The following CTDP1 variants were observed in gnomAD, a reference collection of about 807,000 sequenced individuals.
CTDP1 encodes RNA polymerase II subunit A C-terminal domain phosphatase.
In CTDP1, 47 loss-of-function variants were observed where a neutral mutation model predicts 91.8. That is an observed-to-expected ratio of 0.51 (90% CI 0.41 to 0.65). CTDP1 has a LOEUF of 0.65. Among genes scored for constraint, CTDP1 ranks in the 30% least tolerant of loss-of-function variants. The probability of loss-of-function intolerance (pLI) is 0.00; values close to 1 mark genes in which losing one functional copy is unlikely to be tolerated. For missense variants in CTDP1, 1,272 were observed against 1,373.7 expected (o/e 0.93, Z 1.17); for synonymous variants, 656 against 598.5 (o/e 1.10, Z -1.40).
rs1326420729 is a variant in CTDP1 at position 79,729,010 on chromosome 18, T to C, written c.2521T>C (p.Ser841Pro). 1 of 1,614,096 alleles carries C rather than the reference T, an allele frequency of 6.2e-7. No individual in the cohort carries two copies. Among genetic ancestry groups the C allele is most frequent in the Admixed American group, 1.7e-5 (1 of 60,034 alleles). Residue 841 changes from serine (S) to proline (P), a missense_variant, in exon 11 of 13, where the codon TCT (serine) becomes CCT (proline). This residue lies in a region of CTDP1 where 881 missense variants were observed against 911.6 expected (regional missense o/e 0.97). Transcript: ENST00000613122. ...PSRRKRQPSM[S>P]ETMPLYTLCK... The stretch of plus-strand genomic sequence containing the variant: ...TAGAAGAAAGCGACAGCCCAGTATG[T>C]CTGAGACAATGCCGCTGTACACTCT...
At chr18:79,688,682 G>A (rs752034424) in intron 1 of CTDP1, among the ~76,000 whole-genome samples, 2 of 151,924 alleles carry the variant, frequency 1.3e-5, no homozygotes, top group African/African-American at 2.4e-5. Context: ...TTACAGGCGT[G>A]AGCCATCACT....
intron 12 of CTDP1, among the ~76,000 whole-genome samples, chr18:79,743,578 A>C (rs1004159079): frequency 2.0e-5 from 3 of 148,160 alleles, no homozygotes; most frequent in African/African-American, 7.5e-5. Flanking sequence ...CTGAGTGTGC[A>C]CCTGCTCTCA....
At chr18:79,695,903 G>A in intron 2 of CTDP1, 74 bp from the exon 3 acceptor site, 1 of 1,200,602 alleles carries the variant, frequency 8.3e-7, no homozygotes, top group Admixed American at 1.7e-5. Flanking sequence ...CTAGAATCCT[G>A]TCACTTAGAG....
chr18:79,693,390 A>C (rs1250587481), intron 1 of CTDP1, among the ~76,000 whole-genome samples: 5 of 152,136 alleles, frequency 3.3e-5, no homozygotes, highest in Admixed American at 6.5e-5. Context: ...GTCACCTTAG[A>C]AAGTTTAACA....
At chr18:79,741,049 C>T (rs2086766638) in intron 12 of CTDP1, among the ~76,000 whole-genome samples, 1 of 149,320 alleles carries the variant, frequency 6.7e-6, no homozygotes, top group African/African-American at 2.5e-5. Context: ...GTCCCTGAGT[C>T]CCTGAGGTCC....
At chr18:79,716,368 G>A (rs537455164) in intron 8 of CTDP1, among the ~76,000 whole-genome samples, 9 of 152,358 alleles carry the variant, frequency 5.9e-5, no homozygotes, top group East Asian at 1.9e-4. Flanking sequence ...ATCATGGGGC[G>A]TTGGACACGC....
chr18:79,745,009 C>T (rs186909201), intron 12 of CTDP1, among the ~76,000 whole-genome samples: 139 of 152,270 alleles, frequency 9.1e-4, no homozygotes, highest in African/African-American at 3.0e-3. Flanking sequence ...TGTCCATGGC[C>T]AGCTGGCTCT....
At chr18:79,747,358 A>C (rs546059480) in intron 12 of CTDP1, among the ~76,000 whole-genome samples, 44 of 152,288 alleles carry the variant, frequency 2.9e-4, no homozygotes, top group Middle Eastern at 6.8e-3. Context: ...TCACACCCAG[A>C]GCTGTGGCAT....
Position 79,715,542 on chromosome 18 carries a change from C to T in CTDP1, c.2068+14C>T. 1 of 1,540,788 alleles carries T rather than the reference C, an allele frequency of 6.5e-7. No homozygotes were observed. On this transcript the variant is annotated intron_variant, in intron 8 of 12. Coordinates refer to ENST00000613122, the MANE Select transcript of CTDP1 (RefSeq NM_004715.5). ...CCGCGCGAGCTGGTGAGTGCTGCCT[C>T]CCTGTGCCCTGGGCATGGTCAGGCC...
chr18:79,698,921 T>C (rs2122516074), intron 4 of CTDP1, among the ~76,000 whole-genome samples: 1 of 152,208 alleles, frequency 6.6e-6, no homozygotes, highest in South Asian at 2.1e-4. Context: ...TAAGTCAAAT[T>C]TGTGACAAGC....
chr18:79,688,152 A>G (rs963346996), intron 1 of CTDP1, among the ~76,000 whole-genome samples: 6 of 152,264 alleles, frequency 3.9e-5, no homozygotes, highest in African/African-American at 1.4e-4. Flanking sequence ...CGACTGAACC[A>G]GGTGCAGAGC....
At chr18:79,738,937 C>T (rs1389895749) in intron 12 of CTDP1, among the ~76,000 whole-genome samples, 1 of 152,216 alleles carries the variant, frequency 6.6e-6, no homozygotes, top group Non-Finnish European at 1.5e-5. Flanking sequence ...ACATGAATTA[C>T]GGGGTGGTTT....
chr18:79,755,497 A>C (rs1313541076), downstream of CTDP1: 2 of 152,156 alleles, frequency 1.3e-5, no homozygotes, highest in Non-Finnish European at 2.9e-5. Context: ...AAGATTCTAC[A>C]GTTTATAGGG....
At chr18:79,705,253 T>A (rs904606926) in intron 5 of CTDP1, among the ~76,000 whole-genome samples, 2 of 152,164 alleles carry the variant, frequency 1.3e-5, no homozygotes, top group East Asian at 3.9e-4. Flanking sequence ...GCTGCTTGTG[T>A]GTGCTCTTGC....
Position 79,679,808 on chromosome 18 carries a change from G to T in CTDP1, c.-140G>T, listed in dbSNP as rs2085315074. ...GACGTCACGCGCCCTCCAGGAAGTC[G>T]GCGCGGGCTAGGCGACGGGTGGAAG... On this transcript the variant is annotated 5_prime_UTR_variant, in exon 1 of 13. Transcript: ENST00000613122. The T allele has an allele frequency of 3.7e-6, 3 of 818,598 alleles. No individual in the cohort carries two copies. Among genetic ancestry groups the T allele is most frequent in the Non-Finnish European group, 5.4e-6 (3 of 560,022 alleles). 50.7% of individuals were successfully genotyped at this position (818,598 alleles called of 1,614,324 possible).
chr18:79,679,019 A>G (rs993809121), upstream of CTDP1: 10 of 222,798 alleles, frequency 4.5e-5, no homozygotes, highest in South Asian at 4.7e-4. Flanking sequence ...ATTCCAGACA[A>G]ACGTAGAAAG....
At chr18:79,676,825 T>C (rs2122298880), upstream of CTDP1, among the ~76,000 whole-genome samples, 1 of 152,374 alleles carries the variant, frequency 6.6e-6, no homozygotes, top group East Asian at 1.9e-4. Flanking sequence ...TTTCAATCTG[T>C]TGATACTAAT....
At chr18:79,704,967 C>G in intron 5 of CTDP1, 50 bp downstream of exon 5, 1 of 1,608,598 alleles carries the variant, frequency 6.2e-7, no homozygotes, top group Non-Finnish European at 8.5e-7. Flanking sequence ...GGTTTCTTTC[C>G]TGTTTTCGGT....
chr18:79,720,258 C>G (rs961217093), intron 10 of CTDP1, among the ~76,000 whole-genome samples: 1 of 147,080 alleles, frequency 6.8e-6, no homozygotes, highest in African/African-American at 2.5e-5. Context: ...GTGATGTCAC[C>G]TCCCATCATT....
Sources: gnomAD v4.1 joint callset for allele counts (sites outside exome capture counted in the v4.1 genomes callset) on GRCh38, gnomAD v4.1.1 for gene constraint, gnomAD v4.1.1 regional missense constraint, MANE v1.5 for transcripts, NCBI Gene and HGNC (gene_info 2026-07-23, HGNC 2026-07-21) for gene names.